LUZP2: variants seen among roughly 807,000 people sequenced by gnomAD.
LUZP2 encodes the protein leucine zipper protein 2.
Under a neutral mutation model 51.6 loss-of-function variants are expected in LUZP2, and 52 were observed. The observed-to-expected ratio is 1.01, with a 90% CI of 0.81 to 1.27. The LOEUF (loss-of-function observed/expected upper bound fraction) is 1.27, where lower values mean the gene tolerates loss of function less well. Among genes scored for constraint, LUZP2 ranks in the 50% most tolerant of loss-of-function variants. The pLI, the probability that LUZP2 is intolerant of heterozygous loss-of-function variation, is 0.00. For missense variants in LUZP2, 436 were observed against 395.4 expected, an observed-to-expected ratio of 1.10 and a Z score of -0.87; for synonymous variants, 154 against 137.3, an observed-to-expected ratio of 1.12 and a Z score of -0.85.
intron 1 of LUZP2, among the ~76,000 whole-genome samples, chr11:24,584,439 A>G (rs1852988161): frequency 6.6e-6 from 1 of 152,172 alleles, no homozygotes; most frequent in Non-Finnish European, 1.5e-5. Context: ...TTCACCAAAG[A>G]AGTAAACAGC....
At chr11:24,632,730 TAATCTC>T (rs569783766) in intron 1 of LUZP2, among the ~76,000 whole-genome samples, 88 of 152,002 alleles carry the variant, frequency 5.8e-4, no homozygotes, top group Non-Finnish European at 1.0e-3. Flanking sequence ...GGACTGAACT[TAATCTC>T]AAGAGGAGAC....
chr11:24,956,020 A>C (rs1015007068), intron 7 of LUZP2, among the ~76,000 whole-genome samples: 2 of 152,056 alleles, frequency 1.3e-5, no homozygotes, highest in Non-Finnish European at 1.5e-5. Flanking sequence ...GCAGCAATCT[A>C]GTCAAGGGTG....
At chr11:24,566,260 A>T (rs1477447368) in intron 1 of LUZP2, among the ~76,000 whole-genome samples, 2 of 151,208 alleles carry the variant, frequency 1.3e-5, no homozygotes, top group Non-Finnish European at 3.0e-5. Flanking sequence ...TAATTCATTA[A>T]CTAATGACTA....
intron 1 of LUZP2, among the ~76,000 whole-genome samples, chr11:24,703,238 G>C (rs1857469298): frequency 6.6e-6 from 1 of 152,172 alleles, no homozygotes; most frequent in South Asian, 2.1e-4. Context: ...TAAGCTTGTA[G>C]TGTATCCAAT....
intron 5 of LUZP2, among the ~76,000 whole-genome samples, chr11:24,889,213 C>T (rs1296189401): frequency 3.3e-5 from 5 of 151,988 alleles, no homozygotes; most frequent in Admixed American, 6.6e-5. Flanking sequence ...TGTTCTTAAC[C>T]GTAAGAAAGT....
chr11:24,920,123 G>A (rs549560981), intron 7 of LUZP2, among the ~76,000 whole-genome samples: 14 of 151,700 alleles, frequency 9.2e-5, no homozygotes, highest in Non-Finnish European at 1.3e-4. Flanking sequence ...TAAAAACAAT[G>A]TTTACAATAC....
At chr11:24,707,032 G>A (rs1350612239) in intron 1 of LUZP2, among the ~76,000 whole-genome samples, 1 of 151,080 alleles carries the variant, frequency 6.6e-6, no homozygotes, top group Non-Finnish European at 1.5e-5. Context: ...GAAAAAGAGA[G>A]ATGAAGAAAA....
chr11:24,869,576 C>A (rs968027528), intron 5 of LUZP2, among the ~76,000 whole-genome samples: 1 of 152,032 alleles, frequency 6.6e-6, no homozygotes, highest in Non-Finnish European at 1.5e-5. Flanking sequence ...CCTGCCTCAG[C>A]CTCCCAAGTA....
chr11:24,719,728 C>A (rs930066559), intron 1 of LUZP2, among the ~76,000 whole-genome samples: 3 of 152,184 alleles, frequency 2.0e-5, no homozygotes, highest in Non-Finnish European at 4.4e-5. Context: ...TTGTGACTTG[C>A]TTTGTAACTG....
intron 5 of LUZP2, among the ~76,000 whole-genome samples, chr11:24,867,495 G>C (rs990488282): frequency 3.3e-5 from 5 of 152,124 alleles, no homozygotes; most frequent in African/African-American, 1.2e-4. Flanking sequence ...AACTGCTGCA[G>C]TTGACCTACC....
At position 24,713,493 on chromosome 11, in the gene LUZP2, T is replaced by G. The variant is rs372803239; in HGVS notation, c.63-15676T>G. Among the ~76,000 whole-genome samples, 5 of 152,098 alleles carry G rather than the reference T, an allele frequency of 3.3e-5. No homozygotes were observed. In the East Asian group the frequency reaches 5.8e-4, roughly 18 times the overall value. ...ATGTGCTTATATAGTAAGTCCTTCATATCTATGGGTCCAACCATCCAAAGA... is the reference window on the plus strand; with the variant it reads ...ATGTGCTTATATAGTAAGTCCTTCAGATCTATGGGTCCAACCATCCAAAGA... On this transcript the variant is annotated intron_variant, in intron 1 of 11. Coordinates refer to ENST00000336930, the MANE Select transcript of LUZP2 (RefSeq NM_001009909.4).
At chr11:25,075,201 T>C (rs1379803289) in intron 10 of LUZP2, among the ~76,000 whole-genome samples, 2 of 152,290 alleles carry the variant, frequency 1.3e-5, no homozygotes, top group East Asian at 1.9e-4. Flanking sequence ...GATTCCTCTA[T>C]GTATATAAAG....
rs1444458166 is a variant in LUZP2, at chr11:24,641,611, A to G, written c.63-87558A>G. ...CAAATTGAATATTTACTAATTAGAGAAAACTAGTAAAGCAACATTGACATA... is the reference window on the plus strand; with the variant it reads ...CAAATTGAATATTTACTAATTAGAGGAAACTAGTAAAGCAACATTGACATA... On this transcript the variant is annotated intron_variant, in intron 1 of 11. Coordinates refer to ENST00000336930, the MANE Select transcript of LUZP2 (RefSeq NM_001009909.4). Among the ~76,000 whole-genome samples the G allele has an allele frequency of 2.0e-5, 3 of 152,006 alleles. No individual in the cohort carries two copies. The East Asian group carries it at 5.8e-4, about 29-fold the overall frequency.
intron 1 of LUZP2, among the ~76,000 whole-genome samples, chr11:24,703,840 C>T (rs1002453621): frequency 8.9e-6 from 1 of 112,484 alleles, no homozygotes; most frequent in African/African-American, 3.6e-5. Context: ...AAACAAAAAA[C>T]AAACAAACAA....
At chr11:24,537,218 G>A (rs1411890280) in intron 1 of LUZP2, among the ~76,000 whole-genome samples, 3 of 151,890 alleles carry the variant, frequency 2.0e-5, no homozygotes, top group Non-Finnish European at 4.4e-5. Flanking sequence ...AGCCTATACT[G>A]TTAGTAAAAT....
At chr11:24,991,641 C>T (rs1856349185) in intron 9 of LUZP2, among the ~76,000 whole-genome samples, 1 of 151,802 alleles carries the variant, frequency 6.6e-6, no homozygotes, top group South Asian at 2.1e-4. Flanking sequence ...TAAGGAATTT[C>T]CACACTGTTT....
Position 25,079,599 on chromosome 11 carries a change from A to G in LUZP2, c.*941A>G, listed in dbSNP as rs1042057229. ...AACAAATCAATGGCAGTGTTAATCC[A>G]TAAGAGTTCTGATTTTCTATAGGAA... On this transcript the variant is annotated 3_prime_UTR_variant, in exon 12 of 12. Coordinates refer to ENST00000336930, the MANE Select transcript of LUZP2 (RefSeq NM_001009909.4). 4 of 152,210 alleles carry G rather than the reference A, an allele frequency of 2.6e-5. No homozygotes were observed. The highest frequency in any genetic ancestry group is 7.2e-5 in the African/African-American group (3 of 41,452). The allele number at this position is 152,210 out of a possible 1,614,324, so 9.4% of individuals were successfully genotyped here.
At chr11:25,056,727 G>T (rs1858693317) in intron 10 of LUZP2, among the ~76,000 whole-genome samples, 1 of 152,048 alleles carries the variant, frequency 6.6e-6, no homozygotes, top group South Asian at 2.1e-4. Context: ...TTAATCCGTT[G>T]GTCAGGTAAA....
At chr11:25,029,333 T>C (rs1292734339) in intron 9 of LUZP2, among the ~76,000 whole-genome samples, 1 of 152,186 alleles carries the variant, frequency 6.6e-6, no homozygotes, top group Non-Finnish European at 1.5e-5. Flanking sequence ...ACATCTCATG[T>C]ACTCCATAAA....
Sources: allele counts gnomAD v4.1 joint callset (sites outside exome capture counted in the v4.1 genomes callset), GRCh38; gene constraint gnomAD v4.1.1; transcripts MANE v1.5; gene names NCBI Gene and HGNC (gene_info 2026-07-23, HGNC 2026-07-21).